Variants in CYP2C19 observed in about 807,000 individuals in gnomAD.
CYP2C19 encodes the protein cytochrome P450 2C19.
CYP2C19 carries 59 observed loss-of-function variants against 40.9 expected under a neutral mutation model. That is an observed-to-expected ratio of 1.44 (90% CI 1.17 to 1.79). The LOEUF (loss-of-function observed/expected upper bound fraction) is 1.79. CYP2C19 is among the 40% of genes most tolerant of loss of function. The pLI is 0.00. For missense variants in CYP2C19, 754 were observed against 596.9 expected, an observed-to-expected ratio of 1.26 and a Z score of -2.74; for synonymous variants, 253 against 208.7, an observed-to-expected ratio of 1.21 and a Z score of -1.83.
Position 94,827,006 on chromosome 10 carries a change from T to G in CYP2C19, c.961+6369T>G, listed in dbSNP as rs202034133. Among the ~76,000 whole-genome samples the G allele has an allele frequency of 8.4e-3, 1,276 of 152,252 alleles. 25 individuals are homozygous for G. Among genetic ancestry groups the G allele is most frequent in the East Asian group, 0.062 (322 of 5,182 alleles). ...TTGAACCAGCCTTGCATCCCAGGGA[T>G]GAAGCCCACTCGATCATGGTGGATA... is the stretch of plus-strand genomic sequence containing the variant. On this transcript the variant is annotated intron_variant, in intron 6 of 8. Coordinates refer to ENST00000371321, the MANE Select transcript of CYP2C19 (RefSeq NM_000769.4).
At chr10:94,828,149 G>A (rs551701382) in intron 6 of CYP2C19, among the ~76,000 whole-genome samples, 1 of 152,108 alleles carries the variant, frequency 6.6e-6, no homozygotes, top group African/African-American at 2.4e-5. Flanking sequence ...GTTGATTTGG[G>A]GTGGAGAGTT....
intron 6 of CYP2C19, among the ~76,000 whole-genome samples, chr10:94,837,520 A>G (rs894216522): frequency 3.3e-5 from 5 of 152,132 alleles, no homozygotes; most frequent in African/African-American, 1.2e-4. Context: ...GTCTCTCCCT[A>G]ACAGGGGAGT....
intron 6 of CYP2C19, among the ~76,000 whole-genome samples, chr10:94,831,961 C>T (rs1055745047): frequency 6.6e-6 from 1 of 152,098 alleles, no homozygotes; most frequent in Non-Finnish European, 1.5e-5. Context: ...TGGGGTATTG[C>T]TCAAGAAATT....
intron 5 of CYP2C19, among the ~76,000 whole-genome samples, chr10:94,808,042 G>T (rs770249113): frequency 6.6e-6 from 1 of 151,882 alleles, no homozygotes; most frequent in African/African-American, 2.4e-5. Context: ...GTTTATTTTT[G>T]TAAATAATGA....
chr10:94,826,501 T>C (rs530223620), intron 6 of CYP2C19, among the ~76,000 whole-genome samples: 1 of 152,354 alleles, frequency 6.6e-6, no homozygotes, highest in Admixed American at 6.5e-5. Flanking sequence ...TTTTTGTACA[T>C]TGATTTTGTA....
At position 94,834,973 on chromosome 10, in the gene CYP2C19, G is replaced by T. The variant is rs141942364; in HGVS notation, c.962-7864G>T. Reference sequence around the variant, plus strand: ...GCTCTAGCTGCTTCCTGCTGAATTGGGGTGTAGTAGGGGTGGTGCAGTTGA... The same window carrying T: ...GCTCTAGCTGCTTCCTGCTGAATTGTGGTGTAGTAGGGGTGGTGCAGTTGA... On this transcript the variant is annotated intron_variant, in intron 6 of 8. Transcript: ENST00000371321. Among the ~76,000 whole-genome samples the T allele has an allele frequency of 1.5e-3, 236 of 152,272 alleles. 1 individual carries two copies. Among genetic ancestry groups the T allele is most frequent in the Middle Eastern group, 3.4e-3 (1 of 294 alleles).
Position 94,775,092 on chromosome 10 carries a change from A to G in CYP2C19, c.203A>G (p.Tyr68Cys). The G allele has an allele frequency of 6.2e-7, 1 of 1,614,046 alleles. No individual in the cohort carries two copies. The highest frequency in any genetic ancestry group is 8.5e-7 in the Non-Finnish European group (1 of 1,180,012). Residue 68 changes from tyrosine (Y) to cysteine (C), a missense_variant, in exon 2 of 9, where the codon TAT becomes TGT. By Grantham distance (194) the Tyr-to-Cys change is radical (BLOSUM62 -2). Transcript: ENST00000371321. ...SKIYGPVFTL[Y>C]FGLERMVVLH... ...ATCTATGGCCCTGTGTTCACTCTGT[A>G]TTTTGGCCTGGAACGCATGGTGGTG...
intron 1 of CYP2C19, among the ~76,000 whole-genome samples, chr10:94,771,068 G>A (rs576876680): frequency 3.9e-4 from 60 of 152,244 alleles, no homozygotes; most frequent in African/African-American, 1.4e-3. Context: ...CCTAGACCCT[G>A]TAGGACATCT....
At chr10:94,775,365 C>T in intron 2 of CYP2C19, 25 bp from the exon 3 acceptor site, 1 of 1,613,226 alleles carries the variant, frequency 6.2e-7, no homozygotes, top group Non-Finnish European at 8.5e-7. Flanking sequence ...GATCTCCCTC[C>T]TAGTTTCGTT....
chr10:94,774,443 T>A lies in CYP2C19; in HGVS notation c.169-615T>A, dbSNP rs17885958. The A allele has an allele frequency of 8.6e-3, 1,326 of 154,172 alleles. 5 individuals carry two copies. Among genetic ancestry groups the A allele is most frequent in the Non-Finnish European group, 0.015 (1,019 of 69,406 alleles). 9.6% of individuals were successfully genotyped at this position (154,172 alleles called of 1,614,324 possible). A position where few individuals can be genotyped will look rare whatever the true frequency, so the allele number is the denominator to read the frequency against. ...TTAAGGGGTTAAGGATTAGGGTGAT[T>A]CTTATAATCCCATAGCCACCTAATT... On this transcript the variant is annotated intron_variant, in intron 1 of 8. Coordinates refer to ENST00000371321, the MANE Select transcript of CYP2C19 (RefSeq NM_000769.4).
chr10:94,783,480 G>A (rs1848503663), intron 5 of CYP2C19, among the ~76,000 whole-genome samples: 1 of 152,094 alleles, frequency 6.6e-6, no homozygotes, highest in Non-Finnish European at 1.5e-5. Context: ...TTGGAATTTG[G>A]TATCTATCAG....
At chr10:94,815,727 A>G (rs766529610) in intron 5 of CYP2C19, among the ~76,000 whole-genome samples, 2 of 152,172 alleles carry the variant, frequency 1.3e-5, no homozygotes, top group Non-Finnish European at 2.9e-5. Context: ...TCCCATATAG[A>G]TTACAATACT....
chr10:94,811,961 A>G (rs1460277328), intron 5 of CYP2C19, among the ~76,000 whole-genome samples: 2 of 150,394 alleles, frequency 1.3e-5, no homozygotes, highest in Non-Finnish European at 3.0e-5. Flanking sequence ...CAGTTTTTTT[A>G]TAGTGTTGAT....
At chr10:94,820,022 C>A (rs891695265) in intron 5 of CYP2C19, among the ~76,000 whole-genome samples, 7 of 148,294 alleles carry the variant, frequency 4.7e-5, no homozygotes, top group Non-Finnish European at 7.5e-5. Flanking sequence ...TCCAGCAGCA[C>A]ATCAAAAAGC....
intron 5 of CYP2C19, among the ~76,000 whole-genome samples, chr10:94,806,991 T>A (rs1848844342): frequency 1.3e-5 from 2 of 152,112 alleles, no homozygotes; most frequent in Admixed American, 6.5e-5. Flanking sequence ...TACTATAACT[T>A]TTCTCTTTTG....
chr10:94,822,807 A>G (rs1849149767), intron 6 of CYP2C19, among the ~76,000 whole-genome samples: 1 of 151,896 alleles, frequency 6.6e-6, no homozygotes, highest in Non-Finnish European at 1.5e-5. Context: ...TGTGATTTTG[A>G]TTTGGATTTC....
At chr10:94,822,953 G>GT (rs1269585529) in intron 6 of CYP2C19, among the ~76,000 whole-genome samples, 2 of 151,316 alleles carry the variant, frequency 1.3e-5, no homozygotes, top group South Asian at 2.1e-4. Flanking sequence ...ATTTGTTTTA[G>GT]TTTTTTATAG....
At position 94,780,407 on chromosome 10, in the gene CYP2C19, A is replaced by T; in HGVS notation, c.482-92A>T. ...GGAATTCATAGGTAAGATATTACTT[A>T]AAATTTCTAAACTATTATTATCTGT... On this transcript the variant is annotated intron_variant, in intron 3 of 8. Coordinates refer to ENST00000371321, the MANE Select transcript of CYP2C19 (RefSeq NM_000769.4). 4.0e-6 allele frequency: 6 copies of T among 1,502,054 alleles called. No individual in the cohort carries two copies. The South Asian group carries it at 6.4e-5, about 16-fold the overall frequency. 93.0% of individuals were successfully genotyped at this position (1,502,054 alleles called of 1,614,324 possible).
At chr10:94,824,977 G>A (rs1849191499) in intron 6 of CYP2C19, among the ~76,000 whole-genome samples, 1 of 143,318 alleles carries the variant, frequency 7.0e-6, no homozygotes, top group African/African-American at 2.6e-5. Flanking sequence ...CCCTACAAAG[G>A]ACATGAACTC....
Sources: allele counts gnomAD v4.1 joint callset (sites outside exome capture counted in the v4.1 genomes callset), GRCh38; gene constraint gnomAD v4.1.1; transcripts MANE v1.5; gene names NCBI Gene and HGNC (gene_info 2026-07-23, HGNC 2026-07-21).